The following PELI2 variants were observed in gnomAD, a reference collection of about 807,000 sequenced individuals.
PELI2 encodes the protein E3 ubiquitin-protein ligase pellino homolog 2.
Under a neutral mutation model 42.3 loss-of-function variants are expected in PELI2, and 23 were observed. The observed-to-expected ratio is 0.54, with a 90% CI of 0.39 to 0.77. The LOEUF is 0.77. PELI2 is among the 30% of genes least tolerant of loss of function. The pLI is 0.00. For missense variants in PELI2, 463 were observed against 553.2 expected (o/e 0.84, Z 1.64); for synonymous variants, 245 against 212.2 (o/e 1.15, Z -1.34).
intron 2 of PELI2, among the ~76,000 whole-genome samples, chr14:56,260,247 C>T (rs775896883): frequency 6.6e-5 from 10 of 152,036 alleles, no homozygotes; most frequent in South Asian, 2.1e-4. Flanking sequence ...AAGCTAAAAA[C>T]TGGAAATAGT....
intron 1 of PELI2, among the ~76,000 whole-genome samples, chr14:56,174,022 C>T (rs1458878719): frequency 6.6e-6 from 1 of 152,206 alleles, no homozygotes; most frequent in East Asian, 1.9e-4. Flanking sequence ...CTGCCTCAGC[C>T]TCTCAAGTAG....
chr14:56,268,878 A>G (rs242584), intron 2 of PELI2, among the ~76,000 whole-genome samples: 81,901 of 151,958 alleles, frequency 0.54, 22,347 homozygotes, highest in Non-Finnish European at 0.57. Flanking sequence ...GCATCGTCTC[A>G]TGCTTTGTAG....
chr14:56,245,901 A>G lies in PELI2; in HGVS notation c.208-33775A>G, dbSNP rs558465582. On this transcript the variant is annotated intron_variant, in intron 2 of 5. Transcript: ENST00000267460. Reference sequence around the variant, plus strand: ...GGGAGGATGTATTAATACATATATTATATGCAAATACTATACCAATTTATG... The same window carrying G: ...GGGAGGATGTATTAATACATATATTGTATGCAAATACTATACCAATTTATG... Among the ~76,000 whole-genome samples the G allele has an allele frequency of 6.9e-4, 105 of 152,342 alleles. 1 individual carries two copies. The highest frequency in any genetic ancestry group is 2.5e-3 in the African/African-American group (102 of 41,572).
At chr14:56,210,719 T>C (rs1886684561) in intron 2 of PELI2, among the ~76,000 whole-genome samples, 2 of 152,280 alleles carry the variant, frequency 1.3e-5, no homozygotes, top group Admixed American at 1.3e-4. Flanking sequence ...GGCCACCACA[T>C]GTGTTGAAGT....
intron 3 of PELI2, among the ~76,000 whole-genome samples, chr14:56,281,327 G>A (rs144448751): frequency 6.6e-6 from 1 of 152,180 alleles, no homozygotes; most frequent in East Asian, 1.9e-4. Context: ...AAAATACCAT[G>A]CAGCCATTAC....
At chr14:56,236,788 A>C (rs932369197) in intron 2 of PELI2, among the ~76,000 whole-genome samples, 13 of 152,186 alleles carry the variant, frequency 8.5e-5, no homozygotes, top group African/African-American at 2.9e-4. Context: ...TTGGACCTCA[A>C]GTTATTTCTG....
At chr14:56,221,124 C>T (rs1034499751) in intron 2 of PELI2, among the ~76,000 whole-genome samples, 6 of 152,142 alleles carry the variant, frequency 3.9e-5, no homozygotes, top group African/African-American at 1.4e-4. Flanking sequence ...ATAGACTGCA[C>T]CAGAGGCTGT....
intron 2 of PELI2, among the ~76,000 whole-genome samples, chr14:56,267,791 T>C (rs1292126189): frequency 6.6e-6 from 1 of 152,184 alleles, no homozygotes; most frequent in East Asian, 1.9e-4. Flanking sequence ...CGTTTTTGTT[T>C]ACATCTTTTA....
At chr14:56,286,761 GT>G (rs1889659485) in intron 3 of PELI2, among the ~76,000 whole-genome samples, 1 of 151,816 alleles carries the variant, frequency 6.6e-6, no homozygotes, top group Non-Finnish European at 1.5e-5. Flanking sequence ...TGTTGTTGTT[GT>G]TTTGTTTTCC....
intron 1 of PELI2, among the ~76,000 whole-genome samples, chr14:56,176,948 T>C (rs1211802205): frequency 6.6e-6 from 1 of 152,154 alleles, no homozygotes; most frequent in East Asian, 1.9e-4. Flanking sequence ...ACAAAACGGG[T>C]TTGTAATGGT....
Position 56,273,880 on chromosome 14 carries a change from G to A in PELI2, c.208-5796G>A, listed in dbSNP as rs998169339. Among the ~76,000 whole-genome samples, 12 of 152,328 alleles carry A rather than the reference G, an allele frequency of 7.9e-5. No individual in the cohort carries two copies. The South Asian group carries it at 2.5e-3, about 32-fold the overall frequency. Reference sequence around the variant, plus strand: ...CTGATTTTTATTCCAGAGGTCTGGGGACAGGTAGTTCCACGTTTGATTCAG... The same window carrying A: ...CTGATTTTTATTCCAGAGGTCTGGGAACAGGTAGTTCCACGTTTGATTCAG... On this transcript the variant is annotated intron_variant, in intron 2 of 5. Coordinates refer to ENST00000267460, the MANE Select transcript of PELI2 (RefSeq NM_021255.3). The surrounding 1 kb of genome is among the most constrained non-coding windows in gnomAD (Gnocchi z 4.3).
At chr14:56,232,624 T>A (rs1046521864) in intron 2 of PELI2, among the ~76,000 whole-genome samples, 1 of 151,976 alleles carries the variant, frequency 6.6e-6, no homozygotes, top group Non-Finnish European at 1.5e-5. Context: ...TAATAAGAGC[T>A]ATTTATGACA....
chr14:56,118,879 A>C, intron 1 of PELI2, 142 bp downstream of exon 1: 4 of 452,128 alleles, frequency 8.8e-6, no homozygotes, highest in South Asian at 9.6e-5. Context: ...CAGGGCCCGG[A>C]CGGCGGCGCG....
At chr14:56,158,970 T>A (rs1345387313) in intron 1 of PELI2, among the ~76,000 whole-genome samples, 1 of 152,234 alleles carries the variant, frequency 6.6e-6, no homozygotes, top group Non-Finnish European at 1.5e-5. Flanking sequence ...AGGGAGACAT[T>A]TGAAGTTATC....
At chr14:56,178,910 C>T (rs2139668394) in intron 2 of PELI2, among the ~76,000 whole-genome samples, 1 of 151,884 alleles carries the variant, frequency 6.6e-6, no homozygotes, top group East Asian at 1.9e-4. Flanking sequence ...ATTTATTTTC[C>T]TTCTGTTAAT....
chr14:56,201,865 A>G (rs574449261), intron 2 of PELI2, among the ~76,000 whole-genome samples: 1 of 152,368 alleles, frequency 6.6e-6, no homozygotes, highest in Non-Finnish European at 1.5e-5. Flanking sequence ...TAGGCTTCTT[A>G]ACCACAGACT....
chr14:56,209,293 G>T (rs896020722), intron 2 of PELI2, among the ~76,000 whole-genome samples: 9 of 152,150 alleles, frequency 5.9e-5, no homozygotes, highest in Non-Finnish European at 1.2e-4. Flanking sequence ...GTTTGGTGTA[G>T]TACCACAGCA....
At chr14:56,149,099 T>C (rs184699914) in intron 1 of PELI2, among the ~76,000 whole-genome samples, 25 of 152,312 alleles carry the variant, frequency 1.6e-4, no homozygotes, top group African/African-American at 5.8e-4. Context: ...TAGAATGACA[T>C]TTTACCCAAA....
At chr14:56,158,253 C>G (rs1158791486) in intron 1 of PELI2, among the ~76,000 whole-genome samples, 1 of 152,104 alleles carries the variant, frequency 6.6e-6, no homozygotes, top group Non-Finnish European at 1.5e-5. Context: ...GTCTCGAACA[C>G]CTGACCTCCG....
Sources: gnomAD v4.1 joint callset for allele counts (sites outside exome capture counted in the v4.1 genomes callset) on GRCh38, gnomAD v4.1.1 for gene constraint, Gnocchi (gnomAD v3.1) non-coding constraint, MANE v1.5 for transcripts, NCBI Gene and HGNC (gene_info 2026-07-23, HGNC 2026-07-21) for gene names.